RSU1: variants seen among roughly 807,000 people sequenced by gnomAD.
RSU1 encodes Ras suppressor protein 1.
RSU1 carries 26 observed loss-of-function variants against 31.1 expected under a neutral mutation model. The ratio of observed to expected loss-of-function variants is 0.84; its 90% CI spans 0.61 to 1.16. RSU1 has a LOEUF of 1.16. Among genes scored for constraint, RSU1 ranks in the 50% most tolerant of loss-of-function variants. The pLI, the probability that RSU1 is intolerant of heterozygous loss-of-function variation, is 0.00. For synonymous variants in RSU1, 164 were observed against 136.3 expected (o/e 1.20, Z -1.41); for missense variants, 320 against 339.1 (o/e 0.94, Z 0.44).
Position 16,753,082 on chromosome 10 carries a change from T to C in RSU1, c.401-82A>G, listed in dbSNP as rs1486259390. On this transcript the variant is annotated intron_variant, in intron 5 of 8. Transcript: ENST00000345264. ...TCTGATCAATACGAGGGAGTCAGCTTTGATTAATAACCCTGGCTTGGTGAA... is the reference window on the plus strand; with the variant it reads ...TCTGATCAATACGAGGGAGTCAGCTCTGATTAATAACCCTGGCTTGGTGAA... 6.7e-6 allele frequency: 7 copies of C among 1,041,544 alleles called. No homozygotes were observed. In the East Asian group the frequency reaches 1.5e-4, roughly 22 times the overall value. 64.5% of individuals were successfully genotyped at this position (1,041,544 alleles called of 1,614,324 possible). A position where few individuals can be genotyped will look rare whatever the true frequency, so the allele number is the denominator to read the frequency against.
intron 2 of RSU1, among the ~76,000 whole-genome samples, chr10:16,801,220 C>CAAAA (rs1202945576): frequency 6.6e-6 from 1 of 151,148 alleles, no homozygotes; most frequent in East Asian, 1.9e-4. Context: ...AAACGCTAAA[C>CAAAA]AAAAAAAGCT....
At chr10:16,661,349 A>C (rs1834887610) in intron 8 of RSU1, among the ~76,000 whole-genome samples, 1 of 149,828 alleles carries the variant, frequency 6.7e-6, no homozygotes, top group Admixed American at 6.8e-5. Context: ...TGATGACTTC[A>C]TATCAGTTGA....
intron 8 of RSU1, among the ~76,000 whole-genome samples, chr10:16,669,642 T>C (rs1175513643): frequency 6.6e-6 from 1 of 152,222 alleles, no homozygotes; most frequent in African/African-American, 2.4e-5. Context: ...TGTATTCTCA[T>C]TGTTCGGCTC....
chr10:16,709,028 T>C (rs1021331196), intron 7 of RSU1, among the ~76,000 whole-genome samples: 1 of 152,076 alleles, frequency 6.6e-6, no homozygotes, highest in African/African-American at 2.4e-5. Flanking sequence ...CTTTAAGTTT[T>C]AGGGTACATG....
At position 16,774,165 on chromosome 10, in the gene RSU1, G is replaced by C. The variant is rs1837481965; in HGVS notation, c.160+7869C>G. On this transcript the variant is annotated intron_variant, in intron 3 of 8. Transcript: ENST00000345264. The stretch of plus-strand genomic sequence containing the variant: ...GTTCTGTTCAACCCTGGGAGCTACA[G>C]GATTGCAAATTCTTATTTAACAAAA... 6.6e-5 allele frequency among the ~76,000 whole-genome samples: 10 copies of C among 151,658 alleles called. No homozygotes were observed. The South Asian group carries it at 2.1e-3, about 32-fold the overall frequency.
At chr10:16,720,009 A>C (rs1306796897) in intron 7 of RSU1, among the ~76,000 whole-genome samples, 4 of 152,326 alleles carry the variant, frequency 2.6e-5, no homozygotes, top group African/African-American at 9.6e-5. Context: ...GCAAGGATTA[A>C]CTCATCTCCC....
At chr10:16,770,854 A>G (rs1364618526) in intron 3 of RSU1, among the ~76,000 whole-genome samples, 1 of 152,050 alleles carries the variant, frequency 6.6e-6, no homozygotes, top group African/African-American at 2.4e-5. Flanking sequence ...CAAAAGTGCC[A>G]CCAATCCTTG....
At position 16,593,129 on chromosome 10, in the gene RSU1, A is replaced by C; in HGVS notation, c.*265T>G. Reference sequence around the variant, plus strand: ...TATTCAAGAAAAGCCAGAGCCCACTATGGAATTCGCAGTTGAATAAGAGCT... The same window carrying C: ...TATTCAAGAAAAGCCAGAGCCCACTCTGGAATTCGCAGTTGAATAAGAGCT... On this transcript the variant is annotated 3_prime_UTR_variant, in exon 9 of 9. Transcript: ENST00000345264. The C allele has an allele frequency of 2.5e-6, 1 of 392,598 alleles. No individual in the cohort carries two copies. Among genetic ancestry groups the C allele is most frequent in the Non-Finnish European group, 4.3e-6 (1 of 231,544 alleles). The allele number at this position is 392,598 out of a possible 1,614,324, so 24.3% of individuals were successfully genotyped here.
At chr10:16,733,266 G>A (rs1370842581) in intron 7 of RSU1, among the ~76,000 whole-genome samples, 8 of 149,780 alleles carry the variant, frequency 5.3e-5, no homozygotes, top group Admixed American at 1.3e-4. Context: ...CGAGATGGAC[G>A]GATCACCTGA....
intron 2 of RSU1, among the ~76,000 whole-genome samples, chr10:16,783,668 T>C (rs1837707493): frequency 6.6e-6 from 1 of 152,080 alleles, no homozygotes; most frequent in East Asian, 1.9e-4. Flanking sequence ...GTTTTTTTTT[T>C]TGTTTTGTTT....
chr10:16,788,550 C>T lies in RSU1; in HGVS notation c.110-6466G>A, dbSNP rs943546853. ...CCCTCACCGGACACAATGCATCCGT[C>T]AGTACCTTGATCTTGCATTTTCCAG... On this transcript the variant is annotated intron_variant, in intron 2 of 8. Coordinates refer to ENST00000345264, the MANE Select transcript of RSU1 (RefSeq NM_012425.4). Among the ~76,000 whole-genome samples, 3 of 152,232 alleles carry T rather than the reference C, an allele frequency of 2.0e-5. No homozygotes were observed. The East Asian group carries it at 5.8e-4, about 29-fold the overall frequency.
intron 7 of RSU1, among the ~76,000 whole-genome samples, chr10:16,712,433 T>G (rs1836040440): frequency 6.6e-6 from 1 of 152,094 alleles, no homozygotes; most frequent in Non-Finnish European, 1.5e-5. Context: ...CCTTCGCGGT[T>G]TGGTGGTTTT....
intron 7 of RSU1, among the ~76,000 whole-genome samples, chr10:16,733,270 C>T (rs904764370): frequency 6.8e-6 from 1 of 147,714 alleles, no homozygotes; most frequent in Admixed American, 6.9e-5. Context: ...ATGGACGGAT[C>T]ACCTGAGGTC....
chr10:16,637,593 T>C (rs1046683325), intron 8 of RSU1, among the ~76,000 whole-genome samples: 9 of 152,200 alleles, frequency 5.9e-5, no homozygotes, highest in African/African-American at 2.2e-4. Context: ...TGTTTTTTAG[T>C]TTTGTTCTTT....
At chr10:16,629,366 A>T (rs370574722) in intron 8 of RSU1, among the ~76,000 whole-genome samples, 4 of 152,204 alleles carry the variant, frequency 2.6e-5, no homozygotes, top group East Asian at 1.9e-4. Context: ...CTGTGCCAAG[A>T]GGGGCTCTGT....
Position 16,760,700 on chromosome 10 carries a change from ACTGT to A in RSU1, c.281+3686_281+3689del, listed in dbSNP as rs537749400. On this transcript the variant is annotated intron_variant, in intron 4 of 8. Transcript: ENST00000345264. ...AAGGTATCATTCCATCCCATCAGTT[ACTGT>A]CTGTCAACGTTACCGCCTGTATATT... Among the ~76,000 whole-genome samples the A allele has an allele frequency of 3.9e-5, 6 of 152,134 alleles. No homozygotes were observed. The East Asian group carries it at 1.2e-3, about 29-fold the overall frequency.
At chr10:16,724,972 T>C (rs561830930) in intron 7 of RSU1, among the ~76,000 whole-genome samples, 3 of 152,220 alleles carry the variant, frequency 2.0e-5, no homozygotes, top group East Asian at 3.9e-4. Flanking sequence ...CAAAAGTCAA[T>C]GATATTAGAA....
chr10:16,601,561 C>T (rs1040964968), intron 8 of RSU1, among the ~76,000 whole-genome samples: 1 of 152,166 alleles, frequency 6.6e-6, no homozygotes, highest in Non-Finnish European at 1.5e-5. Flanking sequence ...TGGTTCCCTT[C>T]TTGGTTTTCC....
intron 3 of RSU1, among the ~76,000 whole-genome samples, chr10:16,776,788 C>G (rs11254175): frequency 0.012 from 1,740 of 148,524 alleles, 30 homozygotes; most frequent in African/African-American, 0.042. Flanking sequence ...TAATCCTCAA[C>G]ACACATGGGT....
Sources: gnomAD v4.1 joint callset for allele counts (sites outside exome capture counted in the v4.1 genomes callset) on GRCh38, gnomAD v4.1.1 for gene constraint, MANE v1.5 for transcripts, NCBI Gene and HGNC (gene_info 2026-07-23, HGNC 2026-07-21) for gene names.